The following MYH6 variants were observed in gnomAD, a reference collection of about 807,000 sequenced individuals.
MYH6 encodes the protein myosin-6.
Under a neutral mutation model 223.2 loss-of-function variants are expected in MYH6, and 126 were observed. The ratio of observed to expected loss-of-function variants is 0.56; its 90% CI spans 0.49 to 0.65. The LOEUF (loss-of-function observed/expected upper bound fraction) is 0.65. MYH6 is among the 30% of genes least tolerant of loss of function. The probability of loss-of-function intolerance (pLI) is 0.00; values close to 1 mark genes in which losing one functional copy is unlikely to be tolerated. For missense variants in MYH6, 2,040 were observed against 2,536.4 expected (o/e 0.80, Z 4.20); for synonymous variants, 978 against 1,010.2 (o/e 0.97, Z 0.61).
In MYH6 at chr14:23,398,733, T is replaced by A; in HGVS notation, c.1886A>T (p.Asp629Val). Residue 629 changes from aspartate to valine, a missense_variant, in exon 15 of 39, where the codon GAT becomes GTT. Physicochemically the swap from Asp to Val is radical, Grantham distance 152 (BLOSUM62 -3). Coordinates refer to ENST00000405093, the MANE Select transcript of MYH6 (RefSeq NM_002471.4). ...TGCAGGGGCTGCCTGCTTACCAGTA[T>A]CGGCAGTTGCGTAGGAGGAGAAGAG... ...ATLFSSYATA[D>V]TGDSGKSKGG... The A allele has an allele frequency of 4.3e-6, 7 of 1,614,112 alleles. No individual in the cohort carries two copies. Among genetic ancestry groups the A allele is most frequent in the Non-Finnish European group, 5.9e-6 (7 of 1,180,006 alleles).
At chr14:23,383,982 C>T (rs548791187) in intron 36 of MYH6, among the ~76,000 whole-genome samples, 9 of 152,184 alleles carry the variant, frequency 5.9e-5, no homozygotes, top group South Asian at 4.2e-4. Flanking sequence ...CTGAAAATAA[C>T]GGGCCAAGGG....
intron 12 of MYH6, among the ~76,000 whole-genome samples, chr14:23,401,586 A>T (rs1891602579): frequency 6.6e-6 from 1 of 152,184 alleles, no homozygotes; most frequent in South Asian, 2.1e-4. Flanking sequence ...CTGTGGGCAT[A>T]TCCCCACCTT....
In MYH6 at chr14:23,396,266, C is replaced by A; in HGVS notation, c.2429+18G>T. On this transcript the variant is annotated intron_variant, in intron 20 of 38. Coordinates refer to ENST00000405093, the MANE Select transcript of MYH6 (RefSeq NM_002471.4). ...CTCTACATCTCTAGTGCATGCCTCC[C>A]TTTTCCTCCTGTCTCACCTGCGTTC... The A allele has an allele frequency of 6.2e-7, 1 of 1,614,062 alleles. No homozygotes were observed. Among genetic ancestry groups the A allele is most frequent in the Non-Finnish European group, 8.5e-7 (1 of 1,180,042 alleles).
Position 23,405,369 on chromosome 14 carries a change from C to T in MYH6, c.356G>A (p.Gly119Asp). 1.2e-6 allele frequency: 2 copies of T among 1,614,116 alleles called. No individual in the cohort carries two copies. Among genetic ancestry groups the T allele is most frequent in the Non-Finnish European group, 1.7e-6 (2 of 1,179,974 alleles). The change falls in exon 5 of 39, where the codon GGC becomes GAC. Residue 119 changes from glycine to aspartate, a missense_variant. Physicochemically the swap from Gly to Asp is moderately conservative, Grantham distance 94 (BLOSUM62 -1). Around this residue, in one of 4 missense-constraint regions of MYH6, gnomAD observed 184 missense variants for 232.4 expected, o/e 0.79. Transcript: ENST00000405093. The surrounding 1 kb of genome is among the most constrained non-coding windows in gnomAD (Gnocchi z 4.7). Reference protein sequence around the residue: ...YAAWMIYTYSGLFCVTVNPYK... With the variant: ...YAAWMIYTYSDLFCVTVNPYK... ...GGGGTTGACAGTGACACAGAAGAGG[C>T]CCGAGTAGGTCTGGAGCAGGAGACA...
intron 20 of MYH6, 129 bp from the exon 21 acceptor site, chr14:23,394,452 C>T (rs1891335434): frequency 8.2e-7 from 1 of 1,216,878 alleles, no homozygotes; most frequent in African/African-American, 1.5e-5. Context: ...CATCACTACA[C>T]TGAACATGGA....
intron 38 of MYH6, 35 bp downstream of exon 38, chr14:23,382,393 G>A (rs770424511): frequency 6.8e-6 from 11 of 1,613,492 alleles, no homozygotes; most frequent in Non-Finnish European, 9.3e-6. Flanking sequence ...ATGCTAATGT[G>A]GAAGTGACTA....
At chr14:23,406,511 A>G (rs543132169) in intron 3 of MYH6, among the ~76,000 whole-genome samples, 1 of 152,278 alleles carries the variant, frequency 6.6e-6, no homozygotes, top group African/African-American at 2.4e-5. Flanking sequence ...GCTGGTAACC[A>G]GGGGTGATTC....
At position 23,383,222 on chromosome 14, in the gene MYH6, C is replaced by T. The variant is rs774376996; in HGVS notation, c.5661+3G>A. The T allele has an allele frequency of 1.9e-6, 3 of 1,612,284 alleles. No individual in the cohort carries two copies. Among genetic ancestry groups the T allele is most frequent in the Middle Eastern group, 1.9e-4 (1 of 5,276 alleles). ...GAGAAAGGGAAGAAAGCTCTGAACT[C>T]ACCGCCTCCTCGGCCTGGCGCTTGT... On this transcript the variant is annotated splice_donor_region_variant and intron_variant, in intron 37 of 38. Coordinates refer to ENST00000405093, the MANE Select transcript of MYH6 (RefSeq NM_002471.4).
chr14:23,403,241 A>T, intron 10 of MYH6, 107 bp downstream of exon 10: 1 of 946,104 alleles, frequency 1.1e-6, no homozygotes, highest in Non-Finnish European at 1.7e-6. Context: ...GGAAGTGAGC[A>T]GCAAGGTGGG....
At position 23,388,979 on chromosome 14, in the gene MYH6, T is replaced by A. The variant is rs1350986089; in HGVS notation, c.4055A>T (p.Glu1352Val). 1 of 1,609,872 alleles carries A rather than the reference T, an allele frequency of 6.2e-7. No homozygotes were observed. The highest frequency in any genetic ancestry group is 1.1e-5 in the South Asian group (1 of 90,914). Residue 1352 changes from glutamate (E) to valine (V), a missense_variant, in exon 29 of 39, where the codon GAG becomes GTG. Coordinates refer to ENST00000405093, the MANE Select transcript of MYH6 (RefSeq NM_002471.4). Reference sequence around the variant, plus strand: ...CTGCAGCTCGGCCTTGGCCTCTGTCTCCTCCTCGTACTGCTCCCGCAGCAG... The same window carrying A: ...CTGCAGCTCGGCCTTGGCCTCTGTCACCTCCTCGTACTGCTCCCGCAGCAG... ...CDLLREQYEE[E>V]TEAKAELQRV...
chr14:23,400,191 G>A (rs771325691), intron 14 of MYH6, 65 bp downstream of exon 14: 52 of 1,611,968 alleles, frequency 3.2e-5, no homozygotes, highest in African/African-American at 5.3e-5. Flanking sequence ...GTGTAGAAGG[G>A]ACTCAGCCAC....
rs770432390 is a variant in MYH6, at chr14:23,388,632, A to T, written c.4175+227T>A. On this transcript the variant is annotated intron_variant, in intron 29 of 38. Transcript: ENST00000405093. The stretch of plus-strand genomic sequence containing the variant: ...CTTTTTGCTCGTCTTATACGTGAGC[A>T]TCAGGTATAACCCGGGCCAAAAGCT... The T allele has an allele frequency of 3.5e-6, 3 of 862,986 alleles. No homozygotes were observed. In the South Asian group the frequency reaches 4.0e-5, roughly 11 times the overall value. The allele number at this position is 862,986 out of a possible 1,614,324, so 53.5% of individuals were successfully genotyped here. A position where few individuals can be genotyped will look rare whatever the true frequency, so the allele number is the denominator to read the frequency against.
intron 20 of MYH6, among the ~76,000 whole-genome samples, chr14:23,395,764 G>A (rs762781306): frequency 8.6e-5 from 13 of 152,004 alleles, no homozygotes; most frequent in Non-Finnish European, 1.9e-4. Context: ...TCCTGACCTC[G>A]TGATCCACCC....
At chr14:23,388,014 C>T in intron 30 of MYH6, 91 bp from the exon 31 acceptor site, 1 of 1,605,646 alleles carries the variant, frequency 6.2e-7, no homozygotes. Context: ...GCCTCAGCCG[C>T]ATGTCCAAGA....
chr14:23,389,855 G>C (rs1891177187), intron 26 of MYH6, 136 bp from the exon 27 acceptor site: 1 of 1,536,112 alleles, frequency 6.5e-7, no homozygotes, highest in Non-Finnish European at 9.0e-7. Context: ...AGTCTGAAGA[G>C]AGACTTGAAT....
At position 23,402,561 on chromosome 14, in the gene MYH6, A is replaced by C. The variant is rs948944172; in HGVS notation, c.1044T>G (p.Ala348=). 1.7e-5 allele frequency: 27 copies of C among 1,613,608 alleles called. No individual in the cohort carries two copies. Among genetic ancestry groups the C allele is most frequent in the Non-Finnish European group, 2.1e-5 (25 of 1,179,978 alleles). The part of the protein sequence containing the change: ...DVLGFTSEEK[A]GVYKLTGAIM... ...TGGCTCCCGTCAGCTTGTAGACGCC[A>C]GCTTTCTCCTCTGAAGTGAAGCCCA... Residue 348 remains alanine (A), a synonymous_variant, in exon 12 of 39, where the codon GCT becomes GCG. Coordinates refer to ENST00000405093, the MANE Select transcript of MYH6 (RefSeq NM_002471.4).
At chr14:23,403,036 G>A (rs1457783479) in intron 10 of MYH6, among the ~76,000 whole-genome samples, 1 of 152,052 alleles carries the variant, frequency 6.6e-6, no homozygotes, top group African/African-American at 2.4e-5. Flanking sequence ...CAAGGAGGAG[G>A]GAGGGTGGCA....
rs1891067561 is a variant in MYH6, at chr14:23,387,543, G to C, written c.4636C>G (p.Leu1546Val). The change falls in exon 32 of 39, where the codon CTG (leucine) becomes GTG (valine). Residue 1546 changes from leucine to valine, a missense_variant. Physicochemically the swap from Leu to Val is conservative, Grantham distance 32. Coordinates refer to ENST00000405093, the MANE Select transcript of MYH6 (RefSeq NM_002471.4). ...TCGGCCCTCACCTCTGCCTCCTCCA[G>C]GGCTGACTGCAGCTCCAGCTTCTCC... is the stretch of plus-strand genomic sequence containing the variant. ...EVEKLELQSALEEAEASLEHE... is the reference protein window; with the variant it reads ...EVEKLELQSAVEEAEASLEHE... The C allele has an allele frequency of 6.2e-7, 1 of 1,613,802 alleles. No homozygotes were observed. The highest frequency in any genetic ancestry group is 1.3e-5 in the African/African-American group (1 of 74,888).
Position 23,405,804 on chromosome 14 carries a change from C to T in MYH6, c.202-34G>A, listed in dbSNP as rs757651439. On this transcript the variant is annotated intron_variant, in intron 3 of 38. Coordinates refer to ENST00000405093, the MANE Select transcript of MYH6 (RefSeq NM_002471.4). The surrounding 1 kb of genome is among the most constrained non-coding windows in gnomAD (Gnocchi z 4.7). ...GGCGCATAAGCAGGAGGATGAGTGA[C>T]CACAATCCCTCCGGGACCCTTGCCA... 1 of 1,613,980 alleles carries T rather than the reference C, an allele frequency of 6.2e-7. No homozygotes were observed. The highest frequency in any genetic ancestry group is 8.5e-7 in the Non-Finnish European group (1 of 1,179,932).
Sources: allele counts gnomAD v4.1 joint callset (sites outside exome capture counted in the v4.1 genomes callset), GRCh38; gene constraint gnomAD v4.1.1; regional missense constraint gnomAD v4.1.1; non-coding constraint Gnocchi (gnomAD v3.1); transcripts MANE v1.5; gene names NCBI Gene and HGNC (gene_info 2026-07-23, HGNC 2026-07-21).